SORBS2: variants seen among roughly 807,000 people sequenced by gnomAD.
SORBS2 encodes the protein sorbin and SH3 domain-containing protein 2.
Under a neutral mutation model 97.7 loss-of-function variants are expected in SORBS2, and 46 were observed. That is an observed-to-expected ratio of 0.47 (90% CI 0.37 to 0.60). SORBS2 has a LOEUF of 0.60. Ranked by LOEUF, SORBS2 falls within the 20% of genes least tolerant of loss-of-function variation. The probability of loss-of-function intolerance (pLI) is 0.00; values close to 1 mark genes in which losing one functional copy is unlikely to be tolerated. For synonymous variants in SORBS2, 476 were observed against 473.4 expected (o/e 1.01, Z -0.07); for missense variants, 1,316 against 1,282.3 (o/e 1.03, Z -0.40).
At chr4:185,676,089 G>A (rs1453663858) in intron 4 of SORBS2, among the ~76,000 whole-genome samples, 2 of 152,122 alleles carry the variant, frequency 1.3e-5, no homozygotes, top group Admixed American at 6.5e-5. Context: ...TAACACTAGC[G>A]CTGTTGCTGC....
chr4:185,753,083 T>C (rs1320203908), intron 2 of SORBS2, among the ~76,000 whole-genome samples: 1 of 152,246 alleles, frequency 6.6e-6, no homozygotes, highest in Non-Finnish European at 1.5e-5. Flanking sequence ...GCTTCGTGGC[T>C]GCTACAGCAC....
At position 185,908,579 on chromosome 4, in the gene SORBS2, C is replaced by T. The variant is rs923786946; in HGVS notation, c.-338+47617G>A. Among the ~76,000 whole-genome samples the T allele has an allele frequency of 6.3e-4, 96 of 151,650 alleles. 1 individual carries two copies. Among genetic ancestry groups the T allele is most frequent in the African/African-American group, 2.3e-3 (95 of 41,422 alleles). ...TGTCTGTCGAGTAAACTCAGAGAAG[C>T]GCTCAAAGGGATCGCCGAGTAATGA... On this transcript the variant is annotated intron_variant, in intron 1 of 20. Coordinates refer to the SORBS2 transcript ENST00000284776.
intron 2 of SORBS2, among the ~76,000 whole-genome samples, chr4:185,702,087 G>A (rs1444597150): frequency 2.0e-5 from 3 of 152,266 alleles, no homozygotes; most frequent in East Asian, 3.9e-4. Flanking sequence ...CTTTTTTGTG[G>A]GAGAAGCCAC....
intron 1 of SORBS2, among the ~76,000 whole-genome samples, chr4:185,850,869 C>G (rs1401650517): frequency 6.6e-6 from 1 of 152,128 alleles, no homozygotes; most frequent in Admixed American, 6.5e-5. Context: ...GTGTGGGCAT[C>G]ATCTCATCTG....
intron 1 of SORBS2, among the ~76,000 whole-genome samples, chr4:185,796,300 C>T (rs1185332469): frequency 1.3e-5 from 2 of 152,210 alleles, no homozygotes; most frequent in Non-Finnish European, 2.9e-5. Flanking sequence ...TTTCACCTTC[C>T]TGCTTGAAAT....
At chr4:185,819,720 G>A (rs998993186) in intron 1 of SORBS2, among the ~76,000 whole-genome samples, 6 of 152,164 alleles carry the variant, frequency 3.9e-5, no homozygotes, top group African/African-American at 2.4e-5. Flanking sequence ...GGTTGCGGAA[G>A]CACCCTTCCT....
intron 2 of SORBS2, among the ~76,000 whole-genome samples, chr4:185,690,882 G>A (rs920891173): frequency 7.0e-6 from 1 of 142,254 alleles, no homozygotes; most frequent in African/African-American, 2.6e-5. Context: ...GAGACGTTTT[G>A]TGCTTGTTTT....
intron 1 of SORBS2, among the ~76,000 whole-genome samples, chr4:185,871,417 C>T (rs1443308434): frequency 3.3e-5 from 5 of 152,274 alleles, no homozygotes; most frequent in South Asian, 2.1e-4. Context: ...ATGAGGAATG[C>T]CTGGGCCCTC....
chr4:185,928,150 A>G (rs1378298055), intron 1 of SORBS2, among the ~76,000 whole-genome samples: 1 of 152,104 alleles, frequency 6.6e-6, no homozygotes, highest in Non-Finnish European at 1.5e-5. Flanking sequence ...TCACACCTGT[A>G]ATTTCATCAC....
chr4:185,593,679 T>C, intron 13 of SORBS2: 1 of 538,398 alleles, frequency 1.9e-6, no homozygotes, highest in East Asian at 3.2e-5. Context: ...ATTAAAATCT[T>C]CTCAGAGAAC....
intron 2 of SORBS2, among the ~76,000 whole-genome samples, chr4:185,693,287 G>A (rs551470865): frequency 6.6e-6 from 1 of 152,180 alleles, no homozygotes; most frequent in South Asian, 2.1e-4. Flanking sequence ...AAAAAATGTG[G>A]CGTATTTCTA....
intron 14 of SORBS2, chr4:185,588,022 G>C (rs1030021547): frequency 1.3e-5 from 3 of 230,546 alleles, no homozygotes; most frequent in Non-Finnish European, 2.6e-5. Context: ...CACCAGAGTC[G>C]GGGGTGAGGG....
chr4:185,766,269 G>A (rs2098933525), intron 2 of SORBS2, among the ~76,000 whole-genome samples: 1 of 152,122 alleles, frequency 6.6e-6, no homozygotes, highest in Non-Finnish European at 1.5e-5. Flanking sequence ...GAACCATCTG[G>A]TGTGCCAGGC....
chr4:185,799,802 C>T (rs72703843), intron 1 of SORBS2, among the ~76,000 whole-genome samples: 10,834 of 152,262 alleles, frequency 0.071, 414 homozygotes, highest in Non-Finnish European at 0.079. Context: ...TGGCGACACT[C>T]ATTTAGATGA....
intron 1 of SORBS2, among the ~76,000 whole-genome samples, chr4:185,803,883 G>A (rs2099141939): frequency 6.6e-6 from 1 of 152,138 alleles, no homozygotes; most frequent in South Asian, 2.1e-4. Flanking sequence ...TCCCAAAACA[G>A]ATATGGTTTC....
chr4:185,730,591 G>A lies in SORBS2; in HGVS notation c.-198+44636C>T, dbSNP rs191855472. ...TGCTGCTGACAGGAAGTCCTTGAGCGAGTCTCTTTGTAGTTCCTCCAAGAA... is the reference window on the plus strand; with the variant it reads ...TGCTGCTGACAGGAAGTCCTTGAGCAAGTCTCTTTGTAGTTCCTCCAAGAA... On this transcript the variant is annotated intron_variant, in intron 2 of 20. Coordinates refer to the SORBS2 transcript ENST00000284776. Among the ~76,000 whole-genome samples the A allele has an allele frequency of 1.2e-4, 19 of 152,302 alleles. No homozygotes were observed. The East Asian group carries it at 1.7e-3, about 14-fold the overall frequency.
chr4:185,658,414 TA>T (rs34261449), upstream of SORBS2, among the ~76,000 whole-genome samples: 125,180 of 151,984 alleles, frequency 0.82, 51,634 homozygotes, highest in East Asian at 0.88. Context: ...ACAGGAATTT[TA>T]AAAAAATCAT....
At chr4:185,784,281 G>A (rs1290357687) in intron 1 of SORBS2, among the ~76,000 whole-genome samples, 6 of 151,988 alleles carry the variant, frequency 3.9e-5, no homozygotes, top group Admixed American at 6.6e-5. Context: ...ACAGGCACCT[G>A]CCACCACTCC....
In SORBS2 at chr4:185,862,385, C is replaced by T. The variant is rs111802369; in HGVS notation, c.-337-87019G>A. Reference sequence around the variant, plus strand: ...CTGACAGGTTGTAGAGGCATGAGAGCGACAGGATATATTTGACTTTGAGCA... The same window carrying T: ...CTGACAGGTTGTAGAGGCATGAGAGTGACAGGATATATTTGACTTTGAGCA... On this transcript the variant is annotated intron_variant, in intron 1 of 20. Transcript: ENST00000284776. Among the ~76,000 whole-genome samples the T allele has an allele frequency of 1.9e-3, 282 of 152,270 alleles. 2 individuals are homozygous for T. The highest frequency in any genetic ancestry group is 3.7e-3 in the Admixed American group (57 of 15,298).
Sources: gnomAD v4.1 joint callset for allele counts (sites outside exome capture counted in the v4.1 genomes callset) on GRCh38, gnomAD v4.1.1 for gene constraint, MANE v1.5 for transcripts, NCBI Gene and HGNC (gene_info 2026-07-23, HGNC 2026-07-21) for gene names.